The following SRFBP1 variants were observed in gnomAD, a reference collection of about 807,000 sequenced individuals.
SRFBP1 encodes the protein serum response factor binding protein 1.
In SRFBP1, 47 loss-of-function variants were observed where a neutral mutation model predicts 45.5. The observed-to-expected ratio is 1.03, with a 90% CI of 0.82 to 1.32. SRFBP1 has a LOEUF of 1.32. Ranked by LOEUF, SRFBP1 falls within the 40% of genes most tolerant of loss-of-function variation. The pLI is 0.00. For missense variants in SRFBP1, 621 were observed against 484.6 expected, an observed-to-expected ratio of 1.28 and a Z score of -2.64; for synonymous variants, 203 against 166.3, an observed-to-expected ratio of 1.22 and a Z score of -1.70.
At chr5:122,069,148 G>T (rs1179516252) in intron 2 of SRFBP1, among the ~76,000 whole-genome samples, 8 of 152,082 alleles carry the variant, frequency 5.3e-5, no homozygotes, top group African/African-American at 1.9e-4. Context: ...AAAGTCCTGG[G>T]TTTTTGTATC....
intron 2 of SRFBP1, among the ~76,000 whole-genome samples, chr5:122,037,522 T>C (rs1273954180): frequency 6.6e-6 from 1 of 152,174 alleles, no homozygotes; most frequent in Non-Finnish European, 1.5e-5. Context: ...ATTTTTTTCA[T>C]TTTTTAGAGT....
At chr5:121,974,074 A>G (rs867667936) in intron 1 of SRFBP1, 122 bp from the exon 2 acceptor site, 1 of 605,660 alleles carries the variant, frequency 1.7e-6, no homozygotes, top group South Asian at 2.2e-5. Context: ...AGCTACGAAT[A>G]TAGTTAGACA....
At chr5:121,971,913 T>C (rs1250805282) in intron 1 of SRFBP1, among the ~76,000 whole-genome samples, 1 of 151,998 alleles carries the variant, frequency 6.6e-6, no homozygotes, top group East Asian at 1.9e-4. Context: ...GTGACATCTT[T>C]TAGTAGACTG....
intron 3 of SRFBP1, among the ~76,000 whole-genome samples, chr5:121,989,361 C>T (rs999642700): frequency 6.6e-6 from 1 of 152,112 alleles, no homozygotes; most frequent in African/African-American, 2.4e-5. Context: ...CCACCGAGCC[C>T]TGCCTGGAAT....
intron 1 of SRFBP1, among the ~76,000 whole-genome samples, chr5:121,966,946 A>ATTTTTTTTTTTTT (rs34687337): frequency 9.6e-5 from 11 of 114,678 alleles, no homozygotes; most frequent in Non-Finnish European, 1.2e-4. Context: ...CGCCCAGCTA[A>ATTTTTTTTTTTTT]TTTTTTTTTT....
chr5:122,047,352 G>C (rs1256557601), intron 2 of SRFBP1, among the ~76,000 whole-genome samples: 4 of 152,170 alleles, frequency 2.6e-5, no homozygotes, highest in African/African-American at 9.7e-5. Flanking sequence ...ACATCAGATG[G>C]TTGTAGATAT....
In SRFBP1 at chr5:122,075,475, C is replaced by T. The variant is rs777921520; in HGVS notation, n.472C>T. 3.4e-5 allele frequency: 55 copies of T among 1,613,446 alleles called. No individual in the cohort carries two copies. The highest frequency in any genetic ancestry group is 1.2e-4 in the Admixed American group (7 of 59,966). ...AGAAATCTGATGTCCCTTGGTTTTT[C>T]ACTCTTTGGGGAAATCTGAGCAGCA... is the stretch of plus-strand genomic sequence containing the variant. On this transcript the variant is annotated non_coding_transcript_exon_variant, in exon 3 of 3. Transcript: ENST00000504881.
At chr5:122,024,621 C>T (rs1411371887) in intron 7 of SRFBP1, among the ~76,000 whole-genome samples, 2 of 152,108 alleles carry the variant, frequency 1.3e-5, no homozygotes, top group Non-Finnish European at 2.9e-5. Flanking sequence ...GCCATGTGAC[C>T]TCACCTAACT....
intron 2 of SRFBP1, among the ~76,000 whole-genome samples, chr5:122,067,607 C>T (rs1399241464): frequency 1.3e-5 from 2 of 152,102 alleles, no homozygotes; most frequent in African/African-American, 4.8e-5. Flanking sequence ...AAAGCTTCAG[C>T]CTCCCACTGC....
At chr5:121,968,877 T>C (rs1397636209) in intron 1 of SRFBP1, among the ~76,000 whole-genome samples, 1 of 137,608 alleles carries the variant, frequency 7.3e-6, no homozygotes, top group Non-Finnish European at 1.5e-5. Flanking sequence ...AGAAACACTT[T>C]CTTAACACTG....
At chr5:122,031,011 C>A (rs1292173979), downstream of SRFBP1, among the ~76,000 whole-genome samples, 1 of 152,138 alleles carries the variant, frequency 6.6e-6, no homozygotes, top group Non-Finnish European at 1.5e-5. Context: ...AATGGCTGAC[C>A]TTGAGGCACT....
At chr5:122,048,521 C>G (rs1160500957) in intron 2 of SRFBP1, among the ~76,000 whole-genome samples, 1 of 152,088 alleles carries the variant, frequency 6.6e-6, no homozygotes, top group East Asian at 1.9e-4. Flanking sequence ...TTTGTTGTGT[C>G]TGTGTCAGGC....
chr5:122,008,458 C>G (rs1391513385), intron 4 of SRFBP1, among the ~76,000 whole-genome samples: 1 of 152,150 alleles, frequency 6.6e-6, no homozygotes, highest in Non-Finnish European at 1.5e-5. Flanking sequence ...CTCACCTCTC[C>G]CTCCCATCAC....
intron 3 of SRFBP1, 73 bp downstream of exon 3, chr5:121,975,460 G>C: frequency 6.5e-7 from 1 of 1,528,876 alleles, no homozygotes; most frequent in Non-Finnish European, 9.0e-7. Flanking sequence ...GTTTGTGTGT[G>C]GTATTGCTTA....
intron 4 of SRFBP1, among the ~76,000 whole-genome samples, chr5:122,014,320 A>G (rs1753153379): frequency 6.6e-6 from 1 of 152,152 alleles, no homozygotes; most frequent in Admixed American, 6.6e-5. Flanking sequence ...ATAACTACTC[A>G]TTTTATATAC....
chr5:122,003,557 G>A (rs1752917748), intron 4 of SRFBP1, among the ~76,000 whole-genome samples: 2 of 151,946 alleles, frequency 1.3e-5, no homozygotes, highest in Non-Finnish European at 2.9e-5. Flanking sequence ...CTTTCCTTTG[G>A]ATATATACCC....
At chr5:122,031,822 A>T (rs1407744585), downstream of SRFBP1, among the ~76,000 whole-genome samples, 1 of 152,224 alleles carries the variant, frequency 6.6e-6, no homozygotes, top group Non-Finnish European at 1.5e-5. Flanking sequence ...TGAAGTATTG[A>T]TACAGACTAC....
intron 7 of SRFBP1, among the ~76,000 whole-genome samples, chr5:122,023,749 G>A (rs1437795185): frequency 2.0e-5 from 3 of 152,132 alleles, no homozygotes; most frequent in Non-Finnish European, 4.4e-5. Context: ...GTTCAGCAGA[G>A]GTTTTTTCCA....
intron 3 of SRFBP1, among the ~76,000 whole-genome samples, chr5:121,987,371 A>T (rs2042877): frequency 6.6e-6 from 1 of 152,068 alleles, no homozygotes; most frequent in Non-Finnish European, 1.5e-5. Context: ...TTTTATTTGG[A>T]AAAAAAATCT....
Sources: allele counts gnomAD v4.1 joint callset (sites outside exome capture counted in the v4.1 genomes callset), GRCh38; gene constraint gnomAD v4.1.1; transcripts MANE v1.5; gene names NCBI Gene and HGNC (gene_info 2026-07-23, HGNC 2026-07-21).